IMMP2L: variants seen among roughly 807,000 people sequenced by gnomAD.
The protein encoded by IMMP2L is mitochondrial inner membrane protease subunit 2.
In IMMP2L, 18 loss-of-function variants were observed where a neutral mutation model predicts 19.3. The ratio of observed to expected loss-of-function variants is 0.93; its 90% CI spans 0.64 to 1.38. The LOEUF (loss-of-function observed/expected upper bound fraction) is 1.38. IMMP2L is among the 40% of genes most tolerant of loss of function. The pLI is 0.00. For synonymous variants in IMMP2L, 76 were observed against 73.0 expected (o/e 1.04, Z -0.21); for missense variants, 233 against 218.2 (o/e 1.07, Z -0.43).
chr7:110,852,996 T>C (rs1806393524), intron 5 of IMMP2L, among the ~76,000 whole-genome samples: 1 of 152,084 alleles, frequency 6.6e-6, no homozygotes, highest in African/African-American at 2.4e-5. Context: ...TTTAAACAAC[T>C]ACATCTTGAG....
intron 5 of IMMP2L, among the ~76,000 whole-genome samples, chr7:110,701,343 T>A (rs1406582724): frequency 6.6e-6 from 1 of 152,242 alleles, no homozygotes; most frequent in Non-Finnish European, 1.5e-5. Context: ...ATTTAGTGCT[T>A]ACTAAGTGTC....
chr7:110,815,697 G>T (rs929025017), intron 5 of IMMP2L, among the ~76,000 whole-genome samples: 14 of 152,078 alleles, frequency 9.2e-5, no homozygotes, highest in African/African-American at 3.1e-4. Flanking sequence ...AGTCTTGGGA[G>T]GGTGTATGTG....
chr7:110,815,237 T>G (rs902549033), intron 5 of IMMP2L, among the ~76,000 whole-genome samples: 1 of 152,152 alleles, frequency 6.6e-6, no homozygotes, highest in African/African-American at 2.4e-5. Context: ...GTGGTTTTTG[T>G]CTTTGGCTCT....
Position 111,217,288 on chromosome 7 carries a change from T to C in IMMP2L, c.240-253723A>G, listed in dbSNP as rs112375957. Among the ~76,000 whole-genome samples the C allele has an allele frequency of 3.5e-3, 532 of 152,132 alleles. 2 individuals carry two copies. Among genetic ancestry groups the C allele is most frequent in the African/African-American group, 0.012 (504 of 41,506 alleles). On this transcript the variant is annotated intron_variant, in intron 3 of 5. Coordinates refer to ENST00000405709, the MANE Select transcript of IMMP2L (RefSeq NM_032549.4). The stretch of plus-strand genomic sequence containing the variant: ...AATGGTGGCCAGGAGCCTAGCAGAA[T>C]AGAAGGAGAATCAATTCAAGAAACT...
intron 5 of IMMP2L, among the ~76,000 whole-genome samples, chr7:110,864,164 T>C (rs1244533824): frequency 6.6e-6 from 1 of 152,124 alleles, no homozygotes; most frequent in Non-Finnish European, 1.5e-5. Context: ...ATGTCTTGCA[T>C]TATACTTATG....
chr7:110,719,922 T>TG (rs1264804381), intron 5 of IMMP2L, among the ~76,000 whole-genome samples: 3 of 152,186 alleles, frequency 2.0e-5, no homozygotes, highest in Non-Finnish European at 4.4e-5. Context: ...TAAATCAAAT[T>TG]GGAGATGAAA....
chr7:111,277,985 G>C (rs575027954), intron 3 of IMMP2L, among the ~76,000 whole-genome samples: 1 of 152,088 alleles, frequency 6.6e-6, no homozygotes, highest in African/African-American at 2.4e-5. Flanking sequence ...AACTTAGAAA[G>C]TCAAATACCA....
At chr7:111,155,730 T>C (rs748011886) in intron 3 of IMMP2L, among the ~76,000 whole-genome samples, 15 of 152,082 alleles carry the variant, frequency 9.9e-5, no homozygotes, top group Non-Finnish European at 1.9e-4. Flanking sequence ...AAAAATAATA[T>C]ATACTTTTAA....
chr7:111,373,340 T>C (rs1049248421), intron 3 of IMMP2L, among the ~76,000 whole-genome samples: 3 of 152,076 alleles, frequency 2.0e-5, no homozygotes. Flanking sequence ...TGGGCAGAAT[T>C]GTTTTGAAAA....
At chr7:111,220,197 G>GA (rs59085590) in intron 3 of IMMP2L, among the ~76,000 whole-genome samples, 1 of 151,646 alleles carries the variant, frequency 6.6e-6, no homozygotes, top group Non-Finnish European at 1.5e-5. Context: ...GCTCACAAAG[G>GA]AAAAAAATGA....
chr7:111,467,735 A>G (rs371317159), intron 3 of IMMP2L, among the ~76,000 whole-genome samples: 1 of 152,276 alleles, frequency 6.6e-6, no homozygotes, highest in African/African-American at 2.4e-5. Context: ...GACCTCTAGT[A>G]TTCTTTCAAA....
chr7:111,046,296 T>G (rs1039989034), intron 3 of IMMP2L, among the ~76,000 whole-genome samples: 4 of 151,718 alleles, frequency 2.6e-5, no homozygotes, highest in Admixed American at 6.6e-5. Context: ...AGGCACACAA[T>G]GCATCCCAGA....
At chr7:110,703,126 T>C (rs1794400041) in intron 5 of IMMP2L, among the ~76,000 whole-genome samples, 1 of 152,180 alleles carries the variant, frequency 6.6e-6, no homozygotes, top group Non-Finnish European at 1.5e-5. Flanking sequence ...ATGCCCAGTT[T>C]TCTCAGAATT....
At chr7:111,369,060 A>G (rs1584828325) in intron 3 of IMMP2L, among the ~76,000 whole-genome samples, 2 of 151,688 alleles carry the variant, frequency 1.3e-5, no homozygotes, top group South Asian at 2.1e-4. Context: ...AAATTAGCAC[A>G]TGAATGACTG....
chr7:111,510,413 C>G (rs1342932331), intron 2 of IMMP2L, among the ~76,000 whole-genome samples: 3 of 151,902 alleles, frequency 2.0e-5, no homozygotes, highest in Admixed American at 6.6e-5. Context: ...GATATTGATA[C>G]AGATATCAAA....
chr7:110,734,685 C>T (rs557589779), intron 5 of IMMP2L, among the ~76,000 whole-genome samples: 2 of 151,582 alleles, frequency 1.3e-5, no homozygotes, highest in African/African-American at 4.8e-5. Context: ...ACCAGTCAGG[C>T]AGACAGTTAG....
At chr7:110,808,339 G>A (rs1801771487) in intron 5 of IMMP2L, among the ~76,000 whole-genome samples, 1 of 152,046 alleles carries the variant, frequency 6.6e-6, no homozygotes, top group African/African-American at 2.4e-5. Context: ...AACAATCTCA[G>A]TACATCTGCT....
intron 3 of IMMP2L, among the ~76,000 whole-genome samples, chr7:111,068,914 CCAATA>C (rs1794732766): frequency 6.6e-6 from 1 of 152,040 alleles, no homozygotes; most frequent in Non-Finnish European, 1.5e-5. Flanking sequence ...GGGATGATAG[CCAATA>C]CAATAAAGTA....
intron 5 of IMMP2L, among the ~76,000 whole-genome samples, chr7:110,792,450 A>C (rs771793205): frequency 6.6e-6 from 1 of 152,126 alleles, no homozygotes; most frequent in Non-Finnish European, 1.5e-5. Context: ...ATCTCTTGAT[A>C]GTCACTGAGA....
Sources: allele counts gnomAD v4.1 joint callset (sites outside exome capture counted in the v4.1 genomes callset), GRCh38; gene constraint gnomAD v4.1.1; transcripts MANE v1.5; gene names NCBI Gene and HGNC (gene_info 2026-07-23, HGNC 2026-07-21).